TASOR2: variants seen among roughly 807,000 people sequenced by gnomAD.
TASOR2 encodes transcription activation suppressor family member 2.
In TASOR2, 84 loss-of-function variants were observed where a neutral mutation model predicts 199.5. That is an observed-to-expected ratio of 0.42 (90% CI 0.35 to 0.50). TASOR2 has a LOEUF of 0.50. TASOR2 is among the 20% of genes least tolerant of loss of function. TASOR2 has a pLI of 0.02. For missense variants in TASOR2, 2,796 were observed against 2,835.9 expected (o/e 0.99, Z 0.32); for synonymous variants, 1,103 against 1,046.6 (o/e 1.05, Z -1.04).
rs1834108722 is a variant in TASOR2 at position 5,726,810 on chromosome 10, T to C, written c.352-75T>C. On this transcript the variant is annotated intron_variant, in intron 8 of 20. Coordinates refer to ENST00000328090, the Ensembl canonical transcript of TASOR2. ...TTCTTTTCTTGAGGTCAATATTCAC[T>C]AATGAGTATGGGTAGAGGGAGAAGA... 3.8e-6 allele frequency: 5 copies of C among 1,329,016 alleles called. No individual in the cohort carries two copies. In the Admixed American group the frequency reaches 8.9e-5, roughly 24 times the overall value. The allele number at this position is 1,329,016 out of a possible 1,614,324, so 82.3% of individuals were successfully genotyped here.
intron 2 of TASOR2, 181 bp from the exon 3 acceptor site, chr10:5,713,954 A>G: frequency 2.8e-6 from 1 of 359,516 alleles, no homozygotes; most frequent in Non-Finnish European, 4.9e-6. Context: ...TAATCTCAGC[A>G]TTTTGGGAGG....
chr10:5,717,027 CAAAA>C (rs71388471), intron 2 of TASOR2, among the ~76,000 whole-genome samples: 18 of 124,652 alleles, frequency 1.4e-4, no homozygotes, highest in Admixed American at 4.0e-4. Flanking sequence ...GCTTACATCT[CAAAA>C]AAAAAAAAAA....
chr10:5,717,237 G>A (rs1363833053), intron 2 of TASOR2, among the ~76,000 whole-genome samples: 1 of 152,074 alleles, frequency 6.6e-6, no homozygotes. Flanking sequence ...GGCTTGACTA[G>A]AACTGGATAA....
chr10:5,739,880 C>G, exon 13 of TASOR2: 1 of 1,614,184 alleles, frequency 6.2e-7, no homozygotes, highest in Non-Finnish European at 8.5e-7. Flanking sequence ...ATGTTTTGCT[C>G]TCTAAAGAAA....
At chr10:5,734,548 A>G (rs996604221) in intron 11 of TASOR2, among the ~76,000 whole-genome samples, 1 of 152,126 alleles carries the variant, frequency 6.6e-6, no homozygotes, top group Admixed American at 6.5e-5. Flanking sequence ...GGCTCTCCAA[A>G]TATATTGCTG....
rs140666563 is a variant in TASOR2 at position 5,743,436 on chromosome 10, TAA to T, written c.2757+912_2757+913del. Among the ~76,000 whole-genome samples, 193 of 152,310 alleles carry T rather than the reference TAA, an allele frequency of 1.3e-3. 1 individual carries two copies. Among genetic ancestry groups the T allele is most frequent in the East Asian group, 4.1e-3 (21 of 5,184 alleles). Reference sequence around the variant, plus strand: ...TAACTCAGTTCATTCTCAAATAAGTTAAAGACTATTAATCTCCCCATTACATA... The same window carrying T: ...TAACTCAGTTCATTCTCAAATAAGTTAGACTATTAATCTCCCCATTACATA... On this transcript the variant is annotated intron_variant, in intron 14 of 20. Transcript: ENST00000328090.
exon 15 of TASOR2, chr10:5,747,204 A>G (rs1345346251): frequency 1.2e-6 from 2 of 1,614,060 alleles, no homozygotes; most frequent in African/African-American, 1.3e-5. Context: ...TATTTATCAA[A>G]CAAACAAGCC....
At chr10:5,732,452 AT>A (rs1168460548) in intron 11 of TASOR2, among the ~76,000 whole-genome samples, 1 of 152,350 alleles carries the variant, frequency 6.6e-6, no homozygotes, top group African/African-American at 2.4e-5. Context: ...AATCTGTAAT[AT>A]TTTGAATTTG....
rs1194782866 is a variant in TASOR2, at chr10:5,706,845, A to T, written c.-287-5978A>T. 6.6e-6 allele frequency among the ~76,000 whole-genome samples: 1 copy of T among 152,136 alleles called. No individual in the cohort carries two copies. Among genetic ancestry groups the T allele is most frequent in the Admixed American group, 6.5e-5 (1 of 15,282 alleles). On this transcript the variant is annotated intron_variant, in intron 1 of 20. Transcript: ENST00000328090. The surrounding 1 kb of genome is among the most constrained non-coding windows in gnomAD (Gnocchi z 4.8). ...TGGTGAAATCCCATCTCTACTAAAA[A>T]TACAAAAATTAGCCGGGCATGTTGC...
chr10:5,750,156 T>C lies in TASOR2; in HGVS notation c.6606+129T>C. 2 of 972,676 alleles carry C rather than the reference T, an allele frequency of 2.1e-6. No homozygotes were observed. The highest frequency in any genetic ancestry group is 2.9e-6 in the Non-Finnish European group (2 of 689,582). 60.3% of individuals were successfully genotyped at this position (972,676 alleles called of 1,614,324 possible). A position where few individuals can be genotyped will look rare whatever the true frequency, so the allele number is the denominator to read the frequency against. ...ATAGTATTTAAATTTCACAGCTTAGTCTTTATCTGCATACTAAATGTTTTC... is the reference window on the plus strand; with the variant it reads ...ATAGTATTTAAATTTCACAGCTTAGCCTTTATCTGCATACTAAATGTTTTC... On this transcript the variant is annotated intron_variant, in intron 15 of 20. Coordinates refer to ENST00000328090, the Ensembl canonical transcript of TASOR2. The surrounding 1 kb of genome is among the most constrained non-coding windows in gnomAD (Gnocchi z 5.4).
intron 2 of TASOR2, among the ~76,000 whole-genome samples, chr10:5,713,163 A>G (rs1007408065): frequency 6.6e-6 from 1 of 152,142 alleles, no homozygotes; most frequent in African/African-American, 2.4e-5. Context: ...TGCAATTTGG[A>G]TTAAAACAGT....
In TASOR2 at chr10:5,750,053, ATTATT is replaced by A; in HGVS notation, c.6606+30_6606+34del. Reference sequence around the variant, plus strand: ...GTAAAGTGCCAGCCACGTCTTACGTATTATTTTAATTGCTGATTTTAGTTTTAGAA... The same window carrying A: ...GTAAAGTGCCAGCCACGTCTTACGTATTAATTGCTGATTTTAGTTTTAGAA... On this transcript the variant is annotated intron_variant, in intron 15 of 20. Transcript: ENST00000328090. The surrounding 1 kb of genome is among the most constrained non-coding windows in gnomAD (Gnocchi z 5.4). 6.5e-7 allele frequency: 1 copy of A among 1,537,192 alleles called. No individual in the cohort carries two copies. The highest frequency in any genetic ancestry group is 8.7e-7 in the Non-Finnish European group (1 of 1,146,186).
intron 1 of TASOR2, among the ~76,000 whole-genome samples, chr10:5,703,653 G>A (rs1232797001): frequency 2.6e-5 from 4 of 151,288 alleles, no homozygotes; most frequent in African/African-American, 4.9e-5. Flanking sequence ...ACAGGCGCCC[G>A]CCACCACGCC....
chr10:5,718,761 CA>C (rs35051277), intron 3 of TASOR2, among the ~76,000 whole-genome samples: 99,415 of 134,584 alleles, frequency 0.74, 36,664 homozygotes, highest in Non-Finnish European at 0.81. Context: ...AACTCTGTCT[CA>C]AAAAAAAAAA....
chr10:5,737,876 CA>C lies in TASOR2; in HGVS notation c.1448-1738del, dbSNP rs1835846287. ...AGTGAGCCCAGAAAATTTAAAGTTT[CA>C]AAATGTGTGTTCAAATACAGGCTGA... On this transcript the variant is annotated intron_variant, in intron 12 of 20. Transcript: ENST00000328090. The surrounding 1 kb of genome is among the most constrained non-coding windows in gnomAD (Gnocchi z 4.9). Among the ~76,000 whole-genome samples the C allele has an allele frequency of 6.6e-6, 1 of 152,140 alleles. No individual in the cohort carries two copies. Among genetic ancestry groups the C allele is most frequent in the Non-Finnish European group, 1.5e-5 (1 of 68,014 alleles).
At chr10:5,734,812 C>G (rs1381401837) in intron 11 of TASOR2, among the ~76,000 whole-genome samples, 1 of 148,264 alleles carries the variant, frequency 6.7e-6, no homozygotes, top group Admixed American at 6.9e-5. Flanking sequence ...TCCTCCCACC[C>G]CAGCCTCTCG....
intron 18 of TASOR2, among the ~76,000 whole-genome samples, chr10:5,760,303 CATT>C (rs1839611641): frequency 6.6e-6 from 1 of 152,180 alleles, no homozygotes; most frequent in Non-Finnish European, 1.5e-5. Flanking sequence ...ACTGAAACAT[CATT>C]ATGTGGTACA....
chr10:5,688,395 ATTTTTTTTT>A (rs34362647), intron 1 of TASOR2, among the ~76,000 whole-genome samples: 238 of 99,890 alleles, frequency 2.4e-3, no homozygotes, highest in African/African-American at 8.7e-3. Flanking sequence ...CTAATTTTTA[ATTTTTTTTT>A]TTTTTTTTTT....
rs150976736 is a variant in TASOR2 at position 5,734,806 on chromosome 10, C to T, written c.1205-498C>T. On this transcript the variant is annotated intron_variant, in intron 11 of 20. Coordinates refer to ENST00000328090, the Ensembl canonical transcript of TASOR2. ...CAGTGGTGTGGGCTCCAGTTATCCTCCCACCCCAGCCTCTCGAATAGCTGG... is the reference window on the plus strand; with the variant it reads ...CAGTGGTGTGGGCTCCAGTTATCCTTCCACCCCAGCCTCTCGAATAGCTGG... 2.2e-4 allele frequency among the ~76,000 whole-genome samples: 33 copies of T among 148,128 alleles called. No homozygotes were observed. The East Asian group carries it at 6.4e-3, about 29-fold the overall frequency.
Sources: gnomAD v4.1 joint callset for allele counts (sites outside exome capture counted in the v4.1 genomes callset) on GRCh38, gnomAD v4.1.1 for gene constraint, Gnocchi (gnomAD v3.1) non-coding constraint, MANE v1.5 for transcripts, NCBI Gene and HGNC (gene_info 2026-07-23, HGNC 2026-07-21) for gene names.